The following FEZ2 variants were observed in gnomAD, a reference collection of about 807,000 sequenced individuals.
FEZ2 encodes the protein fasciculation and elongation protein zeta-2.
A neutral mutation model predicts 40.4 loss-of-function variants in FEZ2; 51 were observed. The observed-to-expected ratio is 1.26, with a 90% CI of 1.01 to 1.59. The LOEUF (loss-of-function observed/expected upper bound fraction) is 1.59, where lower values mean the gene tolerates loss of function less well. Ranked by LOEUF, FEZ2 falls within the 40% of genes most tolerant of loss-of-function variation. FEZ2 has a pLI of 0.00. For synonymous variants in FEZ2, 242 were observed against 172.0 expected (o/e 1.41, Z -3.18); for missense variants, 640 against 438.3 (o/e 1.46, Z -4.11).
Position 36,591,758 on chromosome 2 carries a change from T to C in FEZ2, c.267-747A>G, listed in dbSNP as rs1031673742. 5.3e-5 allele frequency among the ~76,000 whole-genome samples: 8 copies of C among 152,280 alleles called. No individual in the cohort carries two copies. In the East Asian group the frequency reaches 1.5e-3, roughly 29 times the overall value. On this transcript the variant is annotated intron_variant, in intron 1 of 7. Transcript: ENST00000405912. Reference sequence around the variant, plus strand: ...AATGGTAAGGGCATTTGACTGAGACTAGGGAAACAAACTCTCATCTCCATC... The same window carrying C: ...AATGGTAAGGGCATTTGACTGAGACCAGGGAAACAAACTCTCATCTCCATC...
chr2:36,554,800 A>T (rs2160404), intron 7 of FEZ2, among the ~76,000 whole-genome samples: 59,747 of 151,878 alleles, frequency 0.39, 12,081 homozygotes, highest in East Asian at 0.6. Context: ...AAAGACCATC[A>T]GAGGTTTCTA....
At chr2:36,566,450 C>T (rs1351134288) in intron 5 of FEZ2, among the ~76,000 whole-genome samples, 2 of 151,426 alleles carry the variant, frequency 1.3e-5, no homozygotes, top group Non-Finnish European at 2.9e-5. Flanking sequence ...GTTAATTTTT[C>T]ATAAATTCAA....
intron 5 of FEZ2, among the ~76,000 whole-genome samples, chr2:36,570,604 T>A (rs1393942039): frequency 1.3e-5 from 2 of 152,198 alleles, no homozygotes; most frequent in African/African-American, 4.8e-5. Flanking sequence ...GGCAACTTTG[T>A]CGTATAGACC....
intron 2 of FEZ2, among the ~76,000 whole-genome samples, chr2:36,587,949 T>C (rs993774026): frequency 6.6e-6 from 1 of 152,200 alleles, no homozygotes; most frequent in Admixed American, 6.5e-5. Context: ...ATCACCAGAA[T>C]AGTCATGTCA....
At chr2:36,574,180 A>G (rs562641708) in intron 5 of FEZ2, among the ~76,000 whole-genome samples, 3 of 152,292 alleles carry the variant, frequency 2.0e-5, no homozygotes, top group South Asian at 4.2e-4. Flanking sequence ...TCTTATATAC[A>G]TTATTTCATT....
intron 4 of FEZ2, among the ~76,000 whole-genome samples, chr2:36,580,444 A>T (rs1218868059): frequency 6.6e-6 from 1 of 152,226 alleles, no homozygotes; most frequent in Non-Finnish European, 1.5e-5. Flanking sequence ...CAAGGAAGGG[A>T]CCAGTCATAT....
intron 5 of FEZ2, among the ~76,000 whole-genome samples, chr2:36,567,779 A>T (rs968984029): frequency 6.6e-6 from 1 of 151,816 alleles, no homozygotes; most frequent in African/African-American, 2.4e-5. Context: ...AAAAAAAGAA[A>T]TCTCAAACCC....
At chr2:36,566,788 C>A (rs889401816) in intron 5 of FEZ2, among the ~76,000 whole-genome samples, 2 of 152,186 alleles carry the variant, frequency 1.3e-5, no homozygotes, top group Non-Finnish European at 2.9e-5. Flanking sequence ...GGAGGGCAGT[C>A]ACTTTACTGC....
intron 2 of FEZ2, among the ~76,000 whole-genome samples, chr2:36,587,869 AT>A (rs981593189): frequency 6.6e-6 from 1 of 152,050 alleles, no homozygotes; most frequent in Admixed American, 6.6e-5. Context: ...CTTATTGCCC[AT>A]TTGTTTTTCA....
At chr2:36,553,904 C>A (rs1425721921) in intron 7 of FEZ2, among the ~76,000 whole-genome samples, 1 of 152,192 alleles carries the variant, frequency 6.6e-6, no homozygotes, top group Non-Finnish European at 1.5e-5. Context: ...GGAAGAGGAA[C>A]AGTTAACCAG....
rs1420507609 is a variant in FEZ2 at position 36,598,138 on chromosome 2, G to A, written c.5C>T (p.Ala2Val). The A allele has an allele frequency of 2.0e-6, 3 of 1,473,352 alleles. No homozygotes were observed. The highest frequency in any genetic ancestry group is 2.7e-6 in the Non-Finnish European group (3 of 1,120,170). The allele number at this position is 1,473,352 out of a possible 1,614,324, so 91.3% of individuals were successfully genotyped here. A position where few individuals can be genotyped will look rare whatever the true frequency, so the allele number is the denominator to read the frequency against. ...GAAATCCTGCCAGTCCCCGTCCGCC[G>A]CCATCGCCGCCCGGAGCAGTCGCGC... MAADGDWQDFYE... is the reference protein window; with the variant it reads MVADGDWQDFYE... Residue 2 changes from alanine to valine, a missense_variant, in exon 1 of 8, where the codon GCG (alanine) becomes GTG (valine). By Grantham distance (64) the Ala-to-Val change is moderately conservative. Coordinates refer to ENST00000405912, the MANE Select transcript of FEZ2 (RefSeq NM_005102.3).
chr2:36,576,282 T>C (rs1420231076), intron 5 of FEZ2, among the ~76,000 whole-genome samples: 1 of 152,014 alleles, frequency 6.6e-6, no homozygotes, highest in Non-Finnish European at 1.5e-5. Context: ...TTTATTTTTT[T>C]TTTTTGAGAC....
intron 5 of FEZ2, among the ~76,000 whole-genome samples, chr2:36,570,747 G>A (rs531923721): frequency 6.6e-6 from 1 of 152,250 alleles, no homozygotes; most frequent in East Asian, 1.9e-4. Flanking sequence ...GTAGACAACA[G>A]TAACACAATG....
chr2:36,578,248 G>A (rs1668632559), intron 5 of FEZ2, among the ~76,000 whole-genome samples: 1 of 152,116 alleles, frequency 6.6e-6, no homozygotes, highest in Non-Finnish European at 1.5e-5. Flanking sequence ...AAAACTACTA[G>A]CCAAATATAC....
At chr2:36,595,770 G>A (rs936300754) in intron 1 of FEZ2, among the ~76,000 whole-genome samples, 15 of 152,024 alleles carry the variant, frequency 9.9e-5, no homozygotes, top group African/African-American at 2.2e-4. Context: ...CCCAACTCCC[G>A]GAAAAAAAGA....
intron 5 of FEZ2, among the ~76,000 whole-genome samples, chr2:36,567,055 T>C (rs1668264252): frequency 6.6e-6 from 1 of 152,166 alleles, no homozygotes; most frequent in Non-Finnish European, 1.5e-5. Context: ...CTTCATTTTC[T>C]TATGAGGAAA....
chr2:36,575,170 ATCTAT>A (rs1668525418), intron 5 of FEZ2, among the ~76,000 whole-genome samples: 2 of 152,044 alleles, frequency 1.3e-5, no homozygotes, highest in African/African-American at 4.8e-5. Context: ...GATGGGCCTC[ATCTAT>A]TCTATTCTAT....
At chr2:36,597,700 G>A (rs1189547896) in intron 1 of FEZ2, among the ~76,000 whole-genome samples, 177 bp downstream of exon 1, 1 of 152,240 alleles carries the variant, frequency 6.6e-6, no homozygotes, top group Non-Finnish European at 1.5e-5. Context: ...CGGGGGGCAG[G>A]GGATTTAAAT....
chr2:36,577,644 T>C (rs1465933631), intron 5 of FEZ2, among the ~76,000 whole-genome samples: 3 of 152,232 alleles, frequency 2.0e-5, no homozygotes, highest in South Asian at 2.1e-4. Context: ...AAATGAGCTA[T>C]ATGGTAAGAC....
Sources: allele counts gnomAD v4.1 joint callset (sites outside exome capture counted in the v4.1 genomes callset), GRCh38; gene constraint gnomAD v4.1.1; transcripts MANE v1.5; gene names NCBI Gene and HGNC (gene_info 2026-07-23, HGNC 2026-07-21).